The following PBX1 variants were observed in gnomAD, a reference collection of about 807,000 sequenced individuals.
The protein encoded by PBX1 is pre-B-cell leukemia transcription factor 1.
Under a neutral mutation model 53.4 loss-of-function variants are expected in PBX1, and 6 were observed. The observed-to-expected ratio is 0.11, with a 90% CI of 0.06 to 0.22. The LOEUF (loss-of-function observed/expected upper bound fraction) is 0.22. PBX1 is among the 10% of genes least tolerant of loss of function. The probability of loss-of-function intolerance (pLI) is 1.00; values close to 1 mark genes in which losing one functional copy is unlikely to be tolerated. For synonymous variants in PBX1, 204 were observed against 212.3 expected, an observed-to-expected ratio of 0.96 and a Z score of 0.34; for missense variants, 251 against 551.4, an observed-to-expected ratio of 0.46 and a Z score of 5.46.
chr1:164,608,183 C>T (rs1239464965), intron 2 of PBX1, among the ~76,000 whole-genome samples: 1 of 152,238 alleles, frequency 6.6e-6, no homozygotes, highest in Non-Finnish European at 1.5e-5. Flanking sequence ...GGCACTTATT[C>T]ATTCATTATT....
At chr1:164,600,396 T>C (rs4486426) in intron 2 of PBX1, among the ~76,000 whole-genome samples, 65,695 of 151,614 alleles carry the variant, frequency 0.43, 14,785 homozygotes, top group African/African-American at 0.51. Context: ...GGATTACAGG[T>C]GCCCGCCACC....
chr1:164,679,589 A>G lies in PBX1; in HGVS notation c.266-112905A>G, dbSNP rs542030061. Among the ~76,000 whole-genome samples, 109 of 152,328 alleles carry G rather than the reference A, an allele frequency of 7.2e-4. No homozygotes were observed. In the Middle Eastern group the frequency reaches 0.017, roughly 24 times the overall value. ...TGAGATCATCAGATTGTCAACAACT[A>G]CAACAATAAATCCAAGGTCATTGGA... On this transcript the variant is annotated intron_variant, in intron 2 of 8. Transcript: ENST00000420696.
intron 2 of PBX1, among the ~76,000 whole-genome samples, chr1:164,748,614 C>T (rs142093763): frequency 3.9e-5 from 6 of 152,250 alleles, no homozygotes; most frequent in Admixed American, 6.5e-5. Flanking sequence ...GAATTTCTAT[C>T]GCAAGTTTCA....
intron 2 of PBX1, among the ~76,000 whole-genome samples, chr1:164,872,791 A>T (rs973701763): frequency 6.6e-6 from 1 of 152,126 alleles, no homozygotes; most frequent in Admixed American, 6.5e-5. Context: ...TGCTGTTCAG[A>T]TCTAATTGCA....
At chr1:164,732,872 C>T (rs77809353) in intron 2 of PBX1, among the ~76,000 whole-genome samples, 8,975 of 151,462 alleles carry the variant, frequency 0.059, 320 homozygotes, top group South Asian at 0.19. Flanking sequence ...TTTATGTCGT[C>T]TGAATTCTCA....
At chr1:164,613,489 G>T (rs962565491) in intron 2 of PBX1, among the ~76,000 whole-genome samples, 2 of 152,100 alleles carry the variant, frequency 1.3e-5, no homozygotes, top group African/African-American at 2.4e-5. Context: ...CAGGATTGCC[G>T]TAAAGCTATT....
intron 3 of PBX1, 92 bp downstream of exon 3, chr1:164,792,830 C>A: frequency 1.0e-6 from 1 of 981,006 alleles, no homozygotes; most frequent in Non-Finnish European, 1.5e-6. Context: ...GAGCGGCTCA[C>A]CTTTCCCAGG....
intron 2 of PBX1, among the ~76,000 whole-genome samples, chr1:164,738,416 GATAGGATT>G (rs1665416470): frequency 6.6e-6 from 1 of 152,114 alleles, no homozygotes; most frequent in Non-Finnish European, 1.5e-5. Flanking sequence ...CTCCCAAGTA[GATAGGATT>G]ATAGGCATGT....
At chr1:164,645,131 A>T (rs568686981) in intron 2 of PBX1, among the ~76,000 whole-genome samples, 1 of 152,316 alleles carries the variant, frequency 6.6e-6, no homozygotes, top group South Asian at 2.1e-4. Context: ...TGAGTCATCC[A>T]CTGGGTTTGG....
In PBX1 at chr1:164,846,930, A is replaced by T. The variant is rs188518874; in HGVS notation, c.*254A>T. 2.9e-6 allele frequency: 4 copies of T among 1,359,762 alleles called. No homozygotes were observed. Among genetic ancestry groups the T allele is most frequent in the Non-Finnish European group, 3.8e-6 (4 of 1,054,310 alleles). 84.2% of individuals were successfully genotyped at this position (1,359,762 alleles called of 1,614,324 possible). On this transcript the variant is annotated 3_prime_UTR_variant, in exon 9 of 9. Coordinates refer to ENST00000420696, the MANE Select transcript of PBX1 (RefSeq NM_002585.4). ...TCCAGCTGTCAGCCTGGTTTTCGTC[A>T]TCTTCCCTGCCCCTGTGCCTCTGTC... is the stretch of plus-strand genomic sequence containing the variant.
chr1:164,644,560 T>C (rs965682986), intron 2 of PBX1, among the ~76,000 whole-genome samples: 6 of 150,014 alleles, frequency 4.0e-5, no homozygotes, highest in African/African-American at 1.5e-4. Context: ...GTTTATCAGC[T>C]TTTGTTTTTT....
chr1:164,866,898 T>C (rs776178424), intron 2 of PBX1, among the ~76,000 whole-genome samples: 2 of 152,158 alleles, frequency 1.3e-5, no homozygotes, highest in Non-Finnish European at 2.9e-5. Context: ...CACAACCCTA[T>C]GCCACCCAAT....
At chr1:164,775,584 C>A (rs1385979248) in intron 2 of PBX1, among the ~76,000 whole-genome samples, 2 of 152,150 alleles carry the variant, frequency 1.3e-5, no homozygotes, top group Non-Finnish European at 2.9e-5. Context: ...GTCTACGAAG[C>A]CCTTGCTCTT....
At chr1:164,598,525 G>A (rs892011269) in intron 2 of PBX1, among the ~76,000 whole-genome samples, 1 of 152,174 alleles carries the variant, frequency 6.6e-6, no homozygotes, top group Admixed American at 6.5e-5. Context: ...CAGTTGAGCT[G>A]AACTAGTTTA....
At chr1:164,694,404 T>C (rs1662686940) in intron 2 of PBX1, among the ~76,000 whole-genome samples, 2 of 152,348 alleles carry the variant, frequency 1.3e-5, no homozygotes, top group South Asian at 4.1e-4. Context: ...GGACTTATCT[T>C]CTTTGTCAAC....
At chr1:164,647,491 G>A (rs1440916136) in intron 2 of PBX1, among the ~76,000 whole-genome samples, 4 of 152,256 alleles carry the variant, frequency 2.6e-5, no homozygotes, top group Middle Eastern at 3.4e-3. Flanking sequence ...AAATCGAGGT[G>A]ACCTAGTTGA....
intron 5 of PBX1, among the ~76,000 whole-genome samples, 164 bp downstream of exon 5, chr1:164,807,841 A>C (rs1669430369): frequency 6.6e-6 from 1 of 152,230 alleles, no homozygotes; most frequent in South Asian, 2.1e-4. Flanking sequence ...CGTATAAGTG[A>C]GTTTCTAGGT....
intron 2 of PBX1, among the ~76,000 whole-genome samples, chr1:164,877,838 T>A (rs1223345329): frequency 1.3e-5 from 2 of 152,188 alleles, no homozygotes; most frequent in African/African-American, 4.8e-5. Context: ...AATGAACATA[T>A]TCATCACATC....
chr1:164,818,259 C>T (rs1211257414), intron 6 of PBX1: 1 of 152,174 alleles, frequency 6.6e-6, no homozygotes, highest in Non-Finnish European at 1.5e-5. Context: ...TTCAGGAAGA[C>T]AGTTTCAAAG....
Sources: allele counts gnomAD v4.1 joint callset (sites outside exome capture counted in the v4.1 genomes callset), GRCh38; gene constraint gnomAD v4.1.1; transcripts MANE v1.5; gene names NCBI Gene and HGNC (gene_info 2026-07-23, HGNC 2026-07-21).